The following OSBPL9 variants were observed in gnomAD, a reference collection of about 807,000 sequenced individuals.
The protein encoded by OSBPL9 is oxysterol-binding protein-related protein 9.
In OSBPL9, 40 loss-of-function variants were observed where a neutral mutation model predicts 106.6. The ratio of observed to expected loss-of-function variants is 0.38; its 90% CI spans 0.29 to 0.49. OSBPL9 has a LOEUF of 0.49. Ranked by LOEUF, OSBPL9 falls within the 20% of genes least tolerant of loss-of-function variation. The pLI is 0.97. For missense variants in OSBPL9, 609 were observed against 887.2 expected, an observed-to-expected ratio of 0.69 and a Z score of 3.98; for synonymous variants, 269 against 295.4, an observed-to-expected ratio of 0.91 and a Z score of 0.92.
chr1:51,574,628 AT>A (rs1301932428), upstream of OSBPL9, among the ~76,000 whole-genome samples: 2 of 152,286 alleles, frequency 1.3e-5, no homozygotes, highest in African/African-American at 2.4e-5. Flanking sequence ...CAAAAAAAAA[AT>A]AATAATAAAG....
At chr1:51,743,699 A>G (rs757954198) in intron 4 of OSBPL9, among the ~76,000 whole-genome samples, 2 of 152,160 alleles carry the variant, frequency 1.3e-5, no homozygotes, top group Non-Finnish European at 2.9e-5. Flanking sequence ...ATCATGTTAC[A>G]TTGCTGTGTG....
intron 8 of OSBPL9, among the ~76,000 whole-genome samples, chr1:51,752,138 A>G (rs1669372593): frequency 6.6e-6 from 1 of 152,084 alleles, no homozygotes; most frequent in Non-Finnish European, 1.5e-5. Context: ...GAAACTACTT[A>G]CGTTCACTGC....
chr1:51,784,589 AT>A lies in OSBPL9; in HGVS notation c.1829+13del, dbSNP rs760639743. ...GAATTACTGCCGAGATTTTGTAGGT[AT>A]TTTTTCTGCCTTAGAGCTCTTATGC... is the stretch of plus-strand genomic sequence containing the variant. On this transcript the variant is annotated splice_region_variant and intron_variant, in intron 20 of 23. Transcript: ENST00000428468. The A allele has an allele frequency of 1.9e-6, 3 of 1,613,576 alleles. No individual in the cohort carries two copies. The highest frequency in any genetic ancestry group is 3.3e-5 in the Admixed American group (2 of 59,956).
At chr1:51,530,965 C>A in the OSBPL9 span, among the ~76,000 whole-genome samples, 2 of 149,320 alleles carry the variant, frequency 1.3e-5, no homozygotes, top group Non-Finnish European at 3.0e-5. Context: ...CAGAGCGAGA[C>A]TTTGTTGTAA....
chr1:51,687,997 C>A (rs940664067), intron 3 of OSBPL9, among the ~76,000 whole-genome samples: 1 of 152,000 alleles, frequency 6.6e-6, no homozygotes, highest in Non-Finnish European at 1.5e-5. Flanking sequence ...CTTTTACTTA[C>A]ACAGGGTACA....
At chr1:51,645,750 A>T (rs1646115497) in intron 1 of OSBPL9, among the ~76,000 whole-genome samples, 1 of 152,138 alleles carries the variant, frequency 6.6e-6, no homozygotes, top group South Asian at 2.1e-4. Context: ...TAAGAACTTA[A>T]TAGTTTTACC....
In OSBPL9 at chr1:51,732,561, A is replaced by G. The variant is rs141873801; in HGVS notation, c.319-12975A>G. On this transcript the variant is annotated intron_variant, in intron 4 of 23. Transcript: ENST00000428468. ...ACACAGGCATTTAAAGCTACTTTCC[A>G]TCTTCCTTATTTTCCATCTCCAGTC... is the stretch of plus-strand genomic sequence containing the variant. 6.4e-3 allele frequency among the ~76,000 whole-genome samples: 978 copies of G among 152,294 alleles called. 8 individuals are homozygous for G. Among genetic ancestry groups the G allele is most frequent in the Non-Finnish European group, 0.011 (763 of 68,014 alleles).
chr1:51,704,853 C>G (rs1449334484), intron 3 of OSBPL9, among the ~76,000 whole-genome samples: 1 of 152,140 alleles, frequency 6.6e-6, no homozygotes, highest in Non-Finnish European at 1.5e-5. Flanking sequence ...CTCCATGGCA[C>G]TGAGGTTCAA....
intron 1 of OSBPL9, among the ~76,000 whole-genome samples, chr1:51,589,412 T>C (rs1645262281): frequency 6.6e-6 from 1 of 152,194 alleles, no homozygotes; most frequent in South Asian, 2.1e-4. Flanking sequence ...ATTCAATGAA[T>C]AATGCACATT....
chr1:51,711,879 A>C (rs1204952804), intron 3 of OSBPL9, among the ~76,000 whole-genome samples: 12 of 149,098 alleles, frequency 8.0e-5, no homozygotes, highest in Admixed American at 7.3e-4. Flanking sequence ...GGCGCTCCTC[A>C]CTTCCTAGAT....
chr1:51,777,446 AATTG>A (rs1675329124), intron 15 of OSBPL9, among the ~76,000 whole-genome samples: 1 of 152,194 alleles, frequency 6.6e-6, no homozygotes. Context: ...GTAAAGGTGA[AATTG>A]ATTTACAAGG....
At chr1:51,593,208 G>A (rs1210555216) in intron 1 of OSBPL9, among the ~76,000 whole-genome samples, 1 of 152,152 alleles carries the variant, frequency 6.6e-6, no homozygotes, top group Non-Finnish European at 1.5e-5. Flanking sequence ...GAGAGGGAGA[G>A]AGAAATAAAT....
chr1:51,545,133 C>A, the OSBPL9 span, among the ~76,000 whole-genome samples: 11 of 152,086 alleles, frequency 7.2e-5, no homozygotes, highest in South Asian at 1.9e-3. Context: ...CGTGAGCCAC[C>A]ACATCCGACC....
chr1:51,716,773 C>T (rs1484713756), intron 4 of OSBPL9, among the ~76,000 whole-genome samples: 1 of 152,102 alleles, frequency 6.6e-6, no homozygotes, highest in Non-Finnish European at 1.5e-5. Context: ...AGCTGTCTTC[C>T]AAAGGGGTAT....
rs1368335695 is a variant in OSBPL9, at chr1:51,659,785, T to C, written c.162+7744T>C. On this transcript the variant is annotated intron_variant, in intron 2 of 23. Transcript: ENST00000428468. ...GAAAGCTTATATGAAAATGGATAATTTCTCAAAAAAGCATAAATCAACAAA... is the reference window on the plus strand; with the variant it reads ...GAAAGCTTATATGAAAATGGATAATCTCTCAAAAAAGCATAAATCAACAAA... 2.0e-5 allele frequency among the ~76,000 whole-genome samples: 3 copies of C among 152,042 alleles called. No homozygotes were observed. The East Asian group carries it at 5.8e-4, about 29-fold the overall frequency.
At chr1:51,717,962 G>A (rs1217308312) in intron 4 of OSBPL9, among the ~76,000 whole-genome samples, 3 of 152,134 alleles carry the variant, frequency 2.0e-5, no homozygotes, top group East Asian at 3.8e-4. Flanking sequence ...AGCAACCCAG[G>A]TGTCCAACAG....
intron 12 of OSBPL9, among the ~76,000 whole-genome samples, chr1:51,767,351 C>G (rs1009738797): frequency 8.6e-5 from 13 of 150,904 alleles, no homozygotes; most frequent in Non-Finnish European, 7.4e-5. Context: ...CGAGATTGGG[C>G]TGCTGTACTC....
At chr1:51,647,552 T>A (rs145399003) in intron 1 of OSBPL9, among the ~76,000 whole-genome samples, 8 of 152,188 alleles carry the variant, frequency 5.3e-5, no homozygotes, top group Admixed American at 4.6e-4. Flanking sequence ...TGAGAAGTTT[T>A]TTGATTACTA....
chr1:51,762,751 TAACA>T (rs1316728638), intron 11 of OSBPL9, among the ~76,000 whole-genome samples: 1 of 152,236 alleles, frequency 6.6e-6, no homozygotes, highest in Non-Finnish European at 1.5e-5. Context: ...GTTTTTCCTT[TAACA>T]AAGAACACTT....
Sources: allele counts gnomAD v4.1 joint callset (sites outside exome capture counted in the v4.1 genomes callset), GRCh38; gene constraint gnomAD v4.1.1; transcripts MANE v1.5; gene names NCBI Gene and HGNC (gene_info 2026-07-23, HGNC 2026-07-21).